NUDT7: variants seen among roughly 807,000 people sequenced by gnomAD.
NUDT7 encodes the protein peroxisomal coenzyme A diphosphatase NUDT7.
A neutral mutation model predicts 13.1 loss-of-function variants in NUDT7; 19 were observed. The ratio of observed to expected loss-of-function variants is 1.45; its 90% CI spans 1.01 to 2.13. NUDT7 has a LOEUF of 2.13. Among genes scored for constraint, NUDT7 ranks in the 30% most tolerant of loss-of-function variants. The pLI is 0.00. For missense variants in NUDT7, 360 were observed against 291.7 expected, an observed-to-expected ratio of 1.23 and a Z score of -1.71; for synonymous variants, 132 against 109.7, an observed-to-expected ratio of 1.20 and a Z score of -1.27.
chr16:77,731,281 A>G (rs2014310113), intron 2 of NUDT7, among the ~76,000 whole-genome samples: 1 of 152,166 alleles, frequency 6.6e-6, no homozygotes, highest in Admixed American at 6.6e-5. Context: ...ATGCTATGAG[A>G]TACTTTTGAA....
At chr16:77,731,644 A>T (rs1176190263) in intron 2 of NUDT7, among the ~76,000 whole-genome samples, 2 of 152,176 alleles carry the variant, frequency 1.3e-5, no homozygotes, top group South Asian at 4.1e-4. Context: ...CTTATTTTTT[A>T]AAAATAACTA....
At chr16:77,737,732 G>A (rs749381584) in intron 3 of NUDT7, among the ~76,000 whole-genome samples, 1 of 152,146 alleles carries the variant, frequency 6.6e-6, no homozygotes, top group Non-Finnish European at 1.5e-5. Context: ...TGATCCGCCT[G>A]CCTCAGCCTC....
Position 77,741,925 on chromosome 16 carries a change from A to G in NUDT7, c.692A>G (p.His231Arg). 6.2e-7 allele frequency: 1 copy of G among 1,604,660 alleles called. No individual in the cohort carries two copies. The highest frequency in any genetic ancestry group is 1.3e-5 in the African/African-American group (1 of 74,440). ...ASSEELFLKV[H>R]KKATSRL ...TCTGAAGAGTTATTCCTGAAGGTTCATAAAAAAGCTACAAGCAGGTTATGA... is the reference window on the plus strand; with the variant it reads ...TCTGAAGAGTTATTCCTGAAGGTTCGTAAAAAAGCTACAAGCAGGTTATGA... The change falls in exon 4 of 4, where the codon CAT (histidine) becomes CGT (arginine). Residue 231 changes from histidine to arginine, a missense_variant. Transcript: ENST00000268533.
Position 77,742,177 on chromosome 16 carries a change from A to G in NUDT7, c.*227A>G. The G allele has an allele frequency of 9.0e-7, 1 of 1,113,362 alleles. No individual in the cohort carries two copies. The highest frequency in any genetic ancestry group is 1.1e-6 in the Non-Finnish European group (1 of 878,854). The allele number at this position is 1,113,362 out of a possible 1,614,324, so 69.0% of individuals were successfully genotyped here. ...AGTGTTGCATATTTTCACCCACAAT[A>G]TGTTAATAATATTTTTCTTACACAT... On this transcript the variant is annotated 3_prime_UTR_variant, in exon 4 of 4. Coordinates refer to ENST00000268533, the MANE Select transcript of NUDT7 (RefSeq NM_001105663.3).
chr16:77,725,531 T>C lies in NUDT7; in HGVS notation c.136T>C (p.Leu46=), dbSNP rs1208385967. 1 of 1,614,100 alleles carries C rather than the reference T, an allele frequency of 6.2e-7. No individual in the cohort carries two copies. Among genetic ancestry groups the C allele is most frequent in the South Asian group, 1.1e-5 (1 of 91,070 alleles). The stretch of plus-strand genomic sequence containing the variant: ...TAACAAATACTCCGTCCTTTTGCCA[T>C]TGGTGGCTAAAGAAGGAAAACTCCA... The part of the protein sequence containing the change: ...PYNKYSVLLP[L]VAKEGKLHLL... The change falls in exon 2 of 4, where the codon TTG becomes CTG. Residue 46 remains leucine (L), a synonymous_variant. Coordinates refer to ENST00000268533, the MANE Select transcript of NUDT7 (RefSeq NM_001105663.3).
chr16:77,737,938 G>A (rs2014543152), intron 3 of NUDT7, among the ~76,000 whole-genome samples: 1 of 152,278 alleles, frequency 6.6e-6, no homozygotes, highest in South Asian at 2.1e-4. Flanking sequence ...GATCAGTGAT[G>A]CTGAGACAAT....
intron 2 of NUDT7, 114 bp from the exon 3 acceptor site, chr16:77,735,714 C>G: frequency 1.0e-6 from 1 of 962,318 alleles, no homozygotes; most frequent in Non-Finnish European, 1.6e-6. Context: ...GATACCACCA[C>G]CTGGGTAAGA....
Position 77,741,879 on chromosome 16 carries a change from C to A in NUDT7, c.646C>A (p.Leu216Ile), listed in dbSNP as rs755091970. 3.1e-6 allele frequency: 5 copies of A among 1,614,066 alleles called. No individual in the cohort carries two copies. Among genetic ancestry groups the A allele is most frequent in the Non-Finnish European group, 4.2e-6 (5 of 1,179,992 alleles). ...KKPTFEVQFNLNDVLASSEEL... is the reference protein window; with the variant it reads ...KKPTFEVQFNINDVLASSEEL... Reference sequence around the variant, plus strand: ...ACCCACCTTTGAGGTTCAATTTAATCTTAATGATGTATTAGCATCCTCTGA... The same window carrying A: ...ACCCACCTTTGAGGTTCAATTTAATATTAATGATGTATTAGCATCCTCTGA... Residue 216 changes from leucine to isoleucine, a missense_variant, in exon 4 of 4, where the codon CTT becomes ATT. Physicochemically the swap from Leu to Ile is conservative, Grantham distance 5. Coordinates refer to ENST00000268533, the MANE Select transcript of NUDT7 (RefSeq NM_001105663.3).
intron 2 of NUDT7, among the ~76,000 whole-genome samples, chr16:77,734,299 T>C (rs8049749): frequency 0.1 from 15,424 of 152,206 alleles, 875 homozygotes; most frequent in African/African-American, 0.16. Context: ...CCTAAGTTCC[T>C]TTGTCTGAAA....
chr16:77,731,942 C>T (rs1044890920), intron 2 of NUDT7, among the ~76,000 whole-genome samples: 1 of 151,782 alleles, frequency 6.6e-6, no homozygotes, highest in African/African-American at 2.4e-5. Context: ...GTGTTTTAAG[C>T]TAAGTGTTAT....
chr16:77,734,628 G>A (rs1177717353), intron 2 of NUDT7, among the ~76,000 whole-genome samples: 2 of 152,034 alleles, frequency 1.3e-5, no homozygotes, highest in East Asian at 3.9e-4. Context: ...TGTCAAAAAA[G>A]AAAAGAAAAG....
intron 1 of NUDT7, among the ~76,000 whole-genome samples, chr16:77,724,883 T>C (rs1226145693): frequency 3.3e-5 from 5 of 152,218 alleles, no homozygotes; most frequent in South Asian, 2.1e-4. Context: ...ATGAGGGAGT[T>C]TGATACAAAT....
intron 2 of NUDT7, chr16:77,735,495 G>A (rs777837690): frequency 2.5e-5 from 15 of 608,398 alleles, no homozygotes; most frequent in Admixed American, 7.8e-5. Flanking sequence ...CTCCCTGTAC[G>A]GCCTGCGAGA....
chr16:77,737,732 G>T (rs749381584), intron 3 of NUDT7, among the ~76,000 whole-genome samples: 6 of 152,148 alleles, frequency 3.9e-5, no homozygotes, highest in African/African-American at 7.2e-5. Flanking sequence ...TGATCCGCCT[G>T]CCTCAGCCTC....
At chr16:77,724,308 C>G (rs551544746) in intron 1 of NUDT7, among the ~76,000 whole-genome samples, 2 of 152,224 alleles carry the variant, frequency 1.3e-5, no homozygotes, top group East Asian at 3.9e-4. Flanking sequence ...GTCACCCAGG[C>G]CGGAGTGCAG....
At chr16:77,723,393 A>G (rs1041292285) in intron 1 of NUDT7, among the ~76,000 whole-genome samples, 2 of 151,860 alleles carry the variant, frequency 1.3e-5, no homozygotes, top group Admixed American at 1.3e-4. Context: ...CCTGCCACCT[A>G]GAAAGAGGCA....
chr16:77,728,600 G>A (rs1303385311), intron 2 of NUDT7, among the ~76,000 whole-genome samples: 1 of 152,196 alleles, frequency 6.6e-6, no homozygotes, highest in African/African-American at 2.4e-5. Context: ...CCTGAAAACA[G>A]CGCCTCATGT....
intron 3 of NUDT7, among the ~76,000 whole-genome samples, chr16:77,740,796 C>T (rs1288088618): frequency 6.6e-6 from 1 of 152,178 alleles, no homozygotes; most frequent in South Asian, 2.1e-4. Flanking sequence ...GGTCCGCCCA[C>T]CTCAGCCTCC....
intron 3 of NUDT7, 54 bp from the exon 4 acceptor site, chr16:77,741,528 T>G (rs201377016): frequency 5.6e-5 from 84 of 1,508,818 alleles, no homozygotes; most frequent in Non-Finnish European, 9.7e-6. Flanking sequence ...ATTTTAGGAT[T>G]TGAAGCAGTA....
Sources: allele counts gnomAD v4.1 joint callset (sites outside exome capture counted in the v4.1 genomes callset), GRCh38; gene constraint gnomAD v4.1.1; transcripts MANE v1.5; gene names NCBI Gene and HGNC (gene_info 2026-07-23, HGNC 2026-07-21).